SLC9A9: variants seen among roughly 807,000 people sequenced by gnomAD.
SLC9A9 encodes the protein sodium/hydrogen exchanger 9.
In SLC9A9, 62 loss-of-function variants were observed where a neutral mutation model predicts 77.8. That is an observed-to-expected ratio of 0.80 (90% CI 0.65 to 0.98). The LOEUF (loss-of-function observed/expected upper bound fraction) is 0.98. SLC9A9 is among the 50% of genes least tolerant of loss of function. The probability of loss-of-function intolerance (pLI) is 0.00; values close to 1 mark genes in which losing one functional copy is unlikely to be tolerated. For synonymous variants in SLC9A9, 320 were observed against 283.5 expected (o/e 1.13, Z -1.29); for missense variants, 775 against 774.9 (o/e 1.00, Z 0.00).
intron 6 of SLC9A9, among the ~76,000 whole-genome samples, chr3:143,641,418 G>A (rs1268462270): frequency 1.9e-5 from 2 of 105,772 alleles, no homozygotes; most frequent in East Asian, 5.9e-4. Context: ...TTGAGACAGA[G>A]TCTTGCTCTG....
intron 6 of SLC9A9, among the ~76,000 whole-genome samples, chr3:143,634,928 G>T (rs2038488512): frequency 6.6e-6 from 1 of 151,780 alleles, no homozygotes; most frequent in Non-Finnish European, 1.5e-5. Context: ...CAGGGAAAGG[G>T]GTGAAATAGG....
At chr3:143,707,898 C>G (rs1009221005) in intron 4 of SLC9A9, among the ~76,000 whole-genome samples, 7 of 152,144 alleles carry the variant, frequency 4.6e-5, no homozygotes, top group Non-Finnish European at 8.8e-5. Flanking sequence ...AGTGCATTTC[C>G]CACACATTCT....
intron 13 of SLC9A9, among the ~76,000 whole-genome samples, chr3:143,374,086 T>C (rs1029082035): frequency 1.3e-5 from 2 of 152,020 alleles, no homozygotes; most frequent in Non-Finnish European, 2.9e-5. Flanking sequence ...GAGCATATTA[T>C]GTTCCAGGAA....
chr3:143,472,909 C>G lies in SLC9A9; in HGVS notation c.1316-5719G>C, dbSNP rs573394737. Among the ~76,000 whole-genome samples the G allele has an allele frequency of 4.3e-4, 66 of 152,254 alleles. No individual in the cohort carries two copies. In the South Asian group the frequency reaches 0.014, roughly 32 times the overall value. ...AGAGTCAAGAGTTCTGGTATCTGCC[C>G]TCAGGCCTGCCCCACAGGCTGCATG... is the stretch of plus-strand genomic sequence containing the variant. On this transcript the variant is annotated intron_variant, in intron 11 of 15. Coordinates refer to ENST00000316549, the MANE Select transcript of SLC9A9 (RefSeq NM_173653.4).
chr3:143,331,165 T>C (rs1194011705), intron 14 of SLC9A9, among the ~76,000 whole-genome samples: 1 of 152,138 alleles, frequency 6.6e-6, no homozygotes, highest in Non-Finnish European at 1.5e-5. Context: ...TCCCTGAGCA[T>C]TTTTCATTTA....
chr3:143,550,621 T>C (rs1402618151), intron 9 of SLC9A9, among the ~76,000 whole-genome samples: 1 of 152,156 alleles, frequency 6.6e-6, no homozygotes, highest in Non-Finnish European at 1.5e-5. Context: ...TACTTTAGAA[T>C]AGAGCCCCCC....
Position 143,820,411 on chromosome 3 carries a change from A to G in SLC9A9, c.378+11608T>C, listed in dbSNP as rs1484071203. Reference sequence around the variant, plus strand: ...ATGTTTTGCGTAAGATTCTTGATGCACAAACTCACCTTTGCTATCTTTGTG... The same window carrying G: ...ATGTTTTGCGTAAGATTCTTGATGCGCAAACTCACCTTTGCTATCTTTGTG... On this transcript the variant is annotated intron_variant, in intron 2 of 15. Coordinates refer to ENST00000316549, the MANE Select transcript of SLC9A9 (RefSeq NM_173653.4). Among the ~76,000 whole-genome samples, 3 of 152,224 alleles carry G rather than the reference A, an allele frequency of 2.0e-5. No homozygotes were observed. The East Asian group carries it at 5.8e-4, about 29-fold the overall frequency.
intron 4 of SLC9A9, among the ~76,000 whole-genome samples, chr3:143,786,977 G>A (rs897614641): frequency 6.6e-6 from 1 of 152,140 alleles, no homozygotes; most frequent in Non-Finnish European, 1.5e-5. Context: ...CAAGAGAGAA[G>A]GTGAAGACAG....
intron 9 of SLC9A9, among the ~76,000 whole-genome samples, chr3:143,523,408 G>A (rs1041742178): frequency 2.0e-5 from 3 of 152,030 alleles, no homozygotes; most frequent in African/African-American, 7.3e-5. Flanking sequence ...AAATCAATAA[G>A]TAAAAACAAT....
rs144833688 is a variant in SLC9A9 at position 143,738,398 on chromosome 3, G to A, written c.534-45091C>T. 1.3e-4 allele frequency among the ~76,000 whole-genome samples: 20 copies of A among 152,214 alleles called. 1 individual carries two copies. In the East Asian group the frequency reaches 2.7e-3, roughly 21 times the overall value. ...CACACCTTGACTTCCCCCTCTAGCC[G>A]TTACAACGGTTTTGTAACCTCCTAA... On this transcript the variant is annotated intron_variant, in intron 4 of 15. Transcript: ENST00000316549.
chr3:143,298,532 C>T (rs1010708413), intron 14 of SLC9A9, among the ~76,000 whole-genome samples: 6 of 152,226 alleles, frequency 3.9e-5, no homozygotes, highest in Admixed American at 3.9e-4. Flanking sequence ...CAAGGCTGCT[C>T]AGTAGGGCAT....
intron 12 of SLC9A9, among the ~76,000 whole-genome samples, chr3:143,440,571 C>T (rs951100724): frequency 6.6e-5 from 10 of 152,254 alleles, no homozygotes; most frequent in East Asian, 3.9e-4. Flanking sequence ...GCATGGCTCA[C>T]GATGCTCTTC....
At chr3:143,379,344 T>C in intron 13 of SLC9A9, among the ~76,000 whole-genome samples, 1 of 152,176 alleles carries the variant, frequency 6.6e-6, no homozygotes, top group Admixed American at 6.5e-5. Context: ...GTTTGGGAAG[T>C]ACCAAAAAAC....
At chr3:143,621,782 T>A (rs1183084531) in intron 6 of SLC9A9, among the ~76,000 whole-genome samples, 1 of 152,150 alleles carries the variant, frequency 6.6e-6, no homozygotes. Context: ...TTTGACGAGT[T>A]GAGAGAAGAA....
At chr3:143,576,442 G>C (rs758940790) in intron 7 of SLC9A9, among the ~76,000 whole-genome samples, 1 of 152,122 alleles carries the variant, frequency 6.6e-6, no homozygotes, top group Non-Finnish European at 1.5e-5. Flanking sequence ...CAGTTTCCTC[G>C]GGTGTAAGGT....
rs140340192 is a variant in SLC9A9 at position 143,446,210 on chromosome 3, T to C, written c.1469+20827A>G. On this transcript the variant is annotated intron_variant, in intron 12 of 15. Coordinates refer to ENST00000316549, the MANE Select transcript of SLC9A9 (RefSeq NM_173653.4). ...CTTCCAATAAGTAGAGAGGATATGA[T>C]TAACAGGCAAGTAGAAGGGGGGGCC... is the stretch of plus-strand genomic sequence containing the variant. 3.5e-3 allele frequency among the ~76,000 whole-genome samples: 536 copies of C among 152,058 alleles called. 17 individuals are homozygous for C. The highest frequency in any genetic ancestry group is 0.034 in the Admixed American group (524 of 15,252).
chr3:143,841,637 G>T (rs1434851693), intron 1 of SLC9A9, among the ~76,000 whole-genome samples: 5 of 152,070 alleles, frequency 3.3e-5, no homozygotes, highest in African/African-American at 9.7e-5. Context: ...AAACACTGAG[G>T]GGGGAGTCCT....
intron 12 of SLC9A9, among the ~76,000 whole-genome samples, chr3:143,436,769 T>C (rs1181147726): frequency 9.9e-5 from 15 of 152,184 alleles, no homozygotes; most frequent in Admixed American, 9.8e-4. Flanking sequence ...AGAAGGCAAA[T>C]GCTCATCACA....
chr3:143,696,611 T>C (rs1161390487), intron 4 of SLC9A9, among the ~76,000 whole-genome samples: 2 of 152,208 alleles, frequency 1.3e-5, no homozygotes, highest in African/African-American at 2.4e-5. Flanking sequence ...CCTTTGTCAC[T>C]TGAACTACAG....
Sources: allele counts gnomAD v4.1 joint callset (sites outside exome capture counted in the v4.1 genomes callset), GRCh38; gene constraint gnomAD v4.1.1; transcripts MANE v1.5; gene names NCBI Gene and HGNC (gene_info 2026-07-23, HGNC 2026-07-21).